The following UBA1 variants were observed in gnomAD, a reference collection of about 807,000 sequenced individuals.
UBA1 encodes the protein ubiquitin-like modifier-activating enzyme 1.
Under a neutral mutation model 84.7 loss-of-function variants are expected in UBA1, and 4 were observed. That is an observed-to-expected ratio of 0.05 (90% CI 0.02 to 0.11). UBA1 has a LOEUF of 0.11. Ranked by LOEUF, UBA1 falls within the 10% of genes least tolerant of loss-of-function variation. The probability of loss-of-function intolerance (pLI) is 1.00; values close to 1 mark genes in which losing one functional copy is unlikely to be tolerated. For synonymous variants in UBA1, 364 were observed against 362.6 expected (o/e 1.00, Z -0.04); for missense variants, 513 against 902.8 (o/e 0.57, Z 5.53).
intron 6 of UBA1, 94 bp from the exon 7 acceptor site, chrX:47,201,182 G>A (rs1195226913): frequency 1.1e-6 from 1 of 889,569 alleles, no homozygotes; most frequent in Admixed American, 2.6e-5. Flanking sequence ...GATAGGCTGA[G>A]TTTGCTCAGC....
At position 47,212,618 on chromosome X, in the gene UBA1, T is replaced by G. The variant is rs989208948; in HGVS notation, c.2553+106T>G. The G allele has an allele frequency of 3.4e-6, 3 of 875,568 alleles. No individual in the cohort carries two copies. In the Admixed American group the frequency reaches 7.8e-5, roughly 23 times the overall value. 72.2% of individuals were successfully genotyped at this position (875,568 alleles called of 1,213,427 possible). A position where few individuals can be genotyped will look rare whatever the true frequency, so the allele number is the denominator to read the frequency against. The stretch of plus-strand genomic sequence containing the variant: ...GCCCCGGGCCTTTGTGGGGATCAGA[T>G]TGTGGGCCTGCCATATGGCTCTGAA... On this transcript the variant is annotated intron_variant, in intron 21 of 25. Transcript: ENST00000335972.
At chrX:47,208,354 C>T (rs1381482765) in intron 16 of UBA1, among the ~76,000 whole-genome samples, 5 of 111,577 alleles carry the variant, frequency 4.5e-5, no homozygotes, top group African/African-American at 1.3e-4. Flanking sequence ...CGCACGCACG[C>T]GTGCCCGTTA....
intron 1 of UBA1, chrX:47,196,996 G>A: frequency 4.6e-6 from 2 of 436,371 alleles, no homozygotes; most frequent in Non-Finnish European, 5.7e-6. Flanking sequence ...AGAAAATGAG[G>A]CTCAGAGGAA....
chrX:47,196,854 G>GT (rs1206031909), intron 1 of UBA1, among the ~76,000 whole-genome samples: 3 of 111,946 alleles, frequency 2.7e-5, no homozygotes, highest in African/African-American at 9.8e-5. Context: ...AGATAACTAA[G>GT]TAATAGAGGC....
chrX:47,201,030 C>T, intron 6 of UBA1, 30 bp downstream of exon 6: 3 of 1,118,321 alleles, frequency 2.7e-6, no homozygotes, highest in Non-Finnish European at 3.6e-6. Context: ...CCTCCCTGTC[C>T]CCTTTTCCCC....
upstream of UBA1, among the ~76,000 whole-genome samples, chrX:47,193,055 G>T (rs1569204513): frequency 9.0e-6 from 1 of 111,082 alleles, no homozygotes. Context: ...ACGTCCCCTG[G>T]GTTTTCTGGT....
rs1556786554 is a variant in UBA1 at position 47,199,063 on chromosome X, G to A, written c.133G>A (p.Gly45Ser). ...SVPTNGMAKN[G>S]SEADIDEGLY... ...CTATTCCTAGGGAATGGCCAAGAAC[G>A]GCAGTGAAGCAGACATAGACGAGGG... The change falls in exon 3 of 26, where the codon GGC becomes AGC. Residue 45 changes from glycine to serine, a missense_variant. Gly to Ser is a moderately conservative substitution (Grantham distance 56). This residue lies in a region of UBA1 where 38 missense variants were observed against 43.4 expected (regional missense o/e 0.88). Transcript: ENST00000335972. The A allele has an allele frequency of 6.6e-6, 8 of 1,212,459 alleles. No individual in the cohort carries two copies. Among genetic ancestry groups the A allele is most frequent in the Admixed American group, 2.2e-5 (1 of 46,150 alleles).
intron 25 of UBA1, 30 bp downstream of exon 25, chrX:47,214,667 G>T: frequency 6.7e-6 from 8 of 1,194,702 alleles, no homozygotes; most frequent in Non-Finnish European, 9.1e-6. Flanking sequence ...GGCTAGGGGA[G>T]GCCCTGTATG....
chrX:47,205,570 A>T (rs1291230913), intron 14 of UBA1: 1 of 350,346 alleles, frequency 2.9e-6, no homozygotes, highest in African/African-American at 2.6e-5. Flanking sequence ...ACAGCCCTTT[A>T]TAGGTGTTTG....
At position 47,199,163 on chromosome X, in the gene UBA1, G is replaced by A. The variant is rs372207784; in HGVS notation, c.177-46G>A. On this transcript the variant is annotated intron_variant, in intron 3 of 25. Coordinates refer to ENST00000335972, the MANE Select transcript of UBA1 (RefSeq NM_003334.4). ...TGGAATGGGACATTGAGAGGATAAG[G>A]TTGGGTGGGGCAGGCCCTGACCTAG... 2.1e-5 allele frequency: 26 copies of A among 1,211,091 alleles called. No homozygotes were observed. The African/African-American group carries it at 2.6e-4, about 12-fold the overall frequency.
chrX:47,207,386 AAAAAT>A (rs1250781427), intron 16 of UBA1, among the ~76,000 whole-genome samples: 1 of 112,407 alleles, frequency 8.9e-6, no homozygotes, highest in Non-Finnish European at 1.9e-5. Flanking sequence ...GATGAGCTGA[AAAAAT>A]AAAAGAAAAA....
chrX:47,212,720 C>CT, intron 21 of UBA1, 51 bp from the exon 22 acceptor site: 1 of 1,091,564 alleles, frequency 9.2e-7, no homozygotes, highest in Non-Finnish European at 1.3e-6. Context: ...TACACATCTT[C>CT]TTTATCTGAT....
rs782016137 is a variant in UBA1 at position 47,209,123 on chromosome X, C to CA, written c.1939-499dup. Reference sequence around the variant, plus strand: ...AAAACAAAACAGTTTTCCACATACACAGCACTATTGTAACCACTGCCCAAA... The same window carrying CA: ...AAAACAAAACAGTTTTCCACATACACAAGCACTATTGTAACCACTGCCCAAA... On this transcript the variant is annotated intron_variant, in intron 16 of 25. Coordinates refer to ENST00000335972, the MANE Select transcript of UBA1 (RefSeq NM_003334.4). 7.7e-4 allele frequency: 151 copies of CA among 195,534 alleles called. 1 individual carries two copies. Among genetic ancestry groups the CA allele is most frequent in the Admixed American group, 6.9e-3 (97 of 14,129 alleles). The allele number at this position is 195,534 out of a possible 1,213,427, so 16.1% of individuals were successfully genotyped here. A position where few individuals can be genotyped will look rare whatever the true frequency, so the allele number is the denominator to read the frequency against.
chrX:47,194,828 C>A (rs782266669), intron 1 of UBA1, among the ~76,000 whole-genome samples: 11 of 112,500 alleles, frequency 9.8e-5, no homozygotes, highest in Middle Eastern at 4.6e-3. Flanking sequence ...TTTTATACTT[C>A]CAGTATTCAG....
intron 14 of UBA1, chrX:47,204,814 C>T (rs182411352): frequency 8.9e-6 from 1 of 111,739 alleles, no homozygotes; most frequent in East Asian, 2.8e-4. Flanking sequence ...GGAGCAGTGT[C>T]GTTTTTGCTT....
chrX:47,201,987 G>A (rs1216902714), intron 8 of UBA1, among the ~76,000 whole-genome samples, 169 bp from the exon 9 acceptor site: 1 of 111,393 alleles, frequency 9.0e-6, no homozygotes, highest in Non-Finnish European at 1.9e-5. Flanking sequence ...TCTGAGCTGA[G>A]TCTGGGGCAC....
rs1468224104 is a variant in UBA1 at position 47,205,729 on chromosome X, C to T, written c.1576-219C>T. On this transcript the variant is annotated intron_variant, in intron 14 of 25. Coordinates refer to ENST00000335972, the MANE Select transcript of UBA1 (RefSeq NM_003334.4). The stretch of plus-strand genomic sequence containing the variant: ...ATTAGCCACGCATGGTGGCACACAC[C>T]TGTGGTCCCAGCTACTCGGGAGGCT... 12 of 454,099 alleles carry T rather than the reference C, an allele frequency of 2.6e-5. No individual in the cohort carries two copies. In the African/African-American group the frequency reaches 2.9e-4, roughly 11 times the overall value. The allele number at this position is 454,099 out of a possible 1,213,427, so 37.4% of individuals were successfully genotyped here.
rs5953007 is a variant in UBA1, at chrX:47,205,418, C to T, written c.1576-530C>T. The T allele has an allele frequency of 8.8e-3, 3,011 of 341,577 alleles. 8 individuals are homozygous for T. The highest frequency in any genetic ancestry group is 0.016 in the Middle Eastern group (37 of 2,284). 28.1% of individuals were successfully genotyped at this position (341,577 alleles called of 1,213,427 possible). A position where few individuals can be genotyped will look rare whatever the true frequency, so the allele number is the denominator to read the frequency against. ...CCCATTGTCTCCAGTCTGTTCCTGT[C>T]CACAGCTTCCCTTTATGCTGAGCCC... On this transcript the variant is annotated intron_variant, in intron 14 of 25. Coordinates refer to ENST00000335972, the MANE Select transcript of UBA1 (RefSeq NM_003334.4).
At chrX:47,197,403 T>G (rs1936243003) in intron 1 of UBA1, 3 of 753,707 alleles carry the variant, frequency 4.0e-6, no homozygotes, top group Non-Finnish European at 4.7e-6. Flanking sequence ...AGTAGGGAGC[T>G]CTTGTCATTG....
Sources: allele counts gnomAD v4.1 joint callset (sites outside exome capture counted in the v4.1 genomes callset), GRCh38; gene constraint gnomAD v4.1.1; regional missense constraint gnomAD v4.1.1; transcripts MANE v1.5; gene names NCBI Gene and HGNC (gene_info 2026-07-23, HGNC 2026-07-21).